Variants in SLC4A9 observed in about 807,000 individuals in gnomAD.
SLC4A9 encodes anion exchange protein 4.
In SLC4A9, 102 loss-of-function variants were observed where a neutral mutation model predicts 103.2. That is an observed-to-expected ratio of 0.99 (90% CI 0.84 to 1.17). The LOEUF (loss-of-function observed/expected upper bound fraction) is 1.17, where lower values mean the gene tolerates loss of function less well. SLC4A9 is among the 50% of genes most tolerant of loss of function. The pLI is 0.00. For synonymous variants in SLC4A9, 453 were observed against 483.6 expected (o/e 0.94, Z 0.83); for missense variants, 1,091 against 1,193.7 (o/e 0.91, Z 1.27).
chr5:140,361,898 G>T (rs1767136167), intron 4 of SLC4A9, 35 bp downstream of exon 4: 1 of 1,613,576 alleles, frequency 6.2e-7, no homozygotes, highest in Non-Finnish European at 8.5e-7. Context: ...CTTTCCAGTG[G>T]CTGGGAGAGG....
chr5:140,363,599 G>A lies in SLC4A9; in HGVS notation c.1079+44G>A, dbSNP rs1473524056. 3 of 1,554,890 alleles carry A rather than the reference G, an allele frequency of 1.9e-6. No homozygotes were observed. Among genetic ancestry groups the A allele is most frequent in the Non-Finnish European group, 2.6e-6 (3 of 1,148,406 alleles). ...AAACAAGGGTAGGTGACCTGGGGGA[G>A]GGGAGGAGTCACAGGGAAACTGAGG... is the stretch of plus-strand genomic sequence containing the variant. On this transcript the variant is annotated intron_variant, in intron 8 of 21. Coordinates refer to ENST00000506757, the MANE Select transcript of SLC4A9 (RefSeq NM_031467.3). The surrounding 1 kb of genome is among the most constrained non-coding windows in gnomAD (Gnocchi z 4.5).
At chr5:140,360,542 T>C in intron 1 of SLC4A9, 76 bp downstream of exon 1, 1 of 1,361,180 alleles carries the variant, frequency 7.3e-7, no homozygotes, top group Non-Finnish European at 1.0e-6. Context: ...CCCCCAGCGC[T>C]TCTTATGGGG....
intron 21 of SLC4A9, 70 bp downstream of exon 21, chr5:140,372,913 A>G (rs1351554420): frequency 3.3e-6 from 3 of 916,354 alleles, no homozygotes; most frequent in Non-Finnish European, 3.2e-6. Flanking sequence ...GGAACTCTCC[A>G]GTGTGTTGGC....
In SLC4A9 at chr5:140,364,608, A is replaced by AATACCCAGGCCCAGGAGGTGGGT; in HGVS notation, c.1636_1651+7dup. ...TCCTCTGCCTACGGGTGCCTCTGCCAATACCCAGGCCCAGGAGGTGGGTAA... is the reference window on the plus strand; with the variant it reads ...TCCTCTGCCTACGGGTGCCTCTGCCAATACCCAGGCCCAGGAGGTGGGTATACCCAGGCCCAGGAGGTGGGTAA... On this transcript the variant is annotated frameshift_variant, in exon 11 of 22. Transcript: ENST00000506757. LOFTEE classifies it high-confidence loss of function. The AATACCCAGGCCCAGGAGGTGGGT allele has an allele frequency of 6.2e-7, 1 of 1,601,396 alleles. No homozygotes were observed. Among genetic ancestry groups the AATACCCAGGCCCAGGAGGTGGGT allele is most frequent in the Non-Finnish European group, 8.5e-7 (1 of 1,173,746 alleles).
At chr5:140,374,298 G>T (rs570355937) in intron 21 of SLC4A9, among the ~76,000 whole-genome samples, 1 of 149,850 alleles carries the variant, frequency 6.7e-6, no homozygotes, top group Non-Finnish European at 1.5e-5. Flanking sequence ...GGTGGCTCAC[G>T]CCTGTAATCC....
In SLC4A9 at chr5:140,365,866, G is replaced by A. The variant is rs756730727; in HGVS notation, c.1743G>A (p.Pro581=). The A allele has an allele frequency of 1.8e-5, 29 of 1,613,648 alleles. No homozygotes were observed. The Admixed American group carries it at 2.0e-4, about 11-fold the overall frequency. The part of the protein sequence containing the change: ...DLGLINASLL[P]PPECTRQGGH... ...GCCTGATCAATGCATCCTTGCTGCC[G>A]CCACCTGAGTGCACCCGGCAGGGAG... The change falls in exon 13 of 22, where the codon CCG becomes CCA. Residue 581 remains proline (P), a synonymous_variant. Transcript: ENST00000506757.
In SLC4A9 at chr5:140,363,005, G is replaced by C. The variant is rs1221812500; in HGVS notation, c.901G>C (p.Gly301Arg). 5.0e-6 allele frequency: 8 copies of C among 1,612,430 alleles called. No homozygotes were observed. The highest frequency in any genetic ancestry group is 6.8e-6 in the Non-Finnish European group (8 of 1,179,512). The change falls in exon 7 of 22, where the codon GGT (glycine) becomes CGT (arginine). Residue 301 changes from glycine to arginine, a missense_variant. Coordinates refer to ENST00000506757, the MANE Select transcript of SLC4A9 (RefSeq NM_031467.3). The surrounding 1 kb of genome is among the most constrained non-coding windows in gnomAD (Gnocchi z 4.5). The part of the protein sequence containing the change: ...FLEEVTVLPP[G>R]RWDPTARIPP... ...AGAGGAGGTGACAGTGCTTCCCCCA[G>C]GTCGGTGGGACCCAACAGCCCGGAT...
intron 11 of SLC4A9, among the ~76,000 whole-genome samples, chr5:140,365,289 T>C (rs1767710129): frequency 6.6e-6 from 1 of 152,204 alleles, no homozygotes; most frequent in Admixed American, 6.5e-5. Context: ...GAGCATCTAC[T>C]GTGGCCAGGT....
chr5:140,361,504 G>A (rs1268446123), intron 3 of SLC4A9, 137 bp downstream of exon 3: 2 of 716,722 alleles, frequency 2.8e-6, no homozygotes, highest in Admixed American at 5.8e-5. Flanking sequence ...AGAGGAAACT[G>A]GTGGTAATGT....
chr5:140,362,413 T>G (rs1209432449), intron 5 of SLC4A9, 32 bp from the exon 6 acceptor site: 1 of 1,603,258 alleles, frequency 6.2e-7, no homozygotes, highest in South Asian at 1.1e-5. Context: ...GAAAGCAGCC[T>G]GTGAATCTCT....
chr5:140,360,518 A>G, intron 1 of SLC4A9, 52 bp downstream of exon 1: 2 of 1,477,588 alleles, frequency 1.4e-6, no homozygotes, highest in Middle Eastern at 3.6e-4. Context: ...CCCCAGCTGG[A>G]GCCTCCTATA....
intron 16 of SLC4A9, among the ~76,000 whole-genome samples, chr5:140,368,328 C>T (rs895294368): frequency 5.9e-5 from 9 of 152,134 alleles, no homozygotes; most frequent in Non-Finnish European, 1.2e-4. Flanking sequence ...GCTAATTTTC[C>T]ATCAAAATAA....
intron 17 of SLC4A9, among the ~76,000 whole-genome samples, chr5:140,369,636 A>C (rs1768402232): frequency 6.6e-6 from 1 of 151,898 alleles, no homozygotes; most frequent in African/African-American, 2.4e-5. Flanking sequence ...TGGAGTAGGG[A>C]AAGAGCCAGA....
chr5:140,371,639 G>T lies in SLC4A9; in HGVS notation c.2670+15G>T, dbSNP rs758442305. 1 of 1,613,898 alleles carries T rather than the reference G, an allele frequency of 6.2e-7. No homozygotes were observed. Among genetic ancestry groups the T allele is most frequent in the South Asian group, 1.1e-5 (1 of 91,068 alleles). Reference sequence around the variant, plus strand: ...TCCCCCTCATGGTAAGCTGAGGCAGGGTTGGGCTGTGTCCTGGAGGGTCTT... The same window carrying T: ...TCCCCCTCATGGTAAGCTGAGGCAGTGTTGGGCTGTGTCCTGGAGGGTCTT... On this transcript the variant is annotated intron_variant, in intron 19 of 21. Transcript: ENST00000506757.
intron 20 of SLC4A9, 62 bp downstream of exon 20, chr5:140,372,459 C>T: frequency 6.3e-7 from 1 of 1,579,682 alleles, no homozygotes. Flanking sequence ...CGTTCTTGTC[C>T]AGGAGCTGTC....
chr5:140,373,494 T>A (rs1769038490), intron 21 of SLC4A9, among the ~76,000 whole-genome samples: 1 of 152,158 alleles, frequency 6.6e-6, no homozygotes, highest in Non-Finnish European at 1.5e-5. Flanking sequence ...GCTTCTGACC[T>A]CTTCTTGGAG....
At chr5:140,369,942 C>T (rs1448484640) in intron 17 of SLC4A9, among the ~76,000 whole-genome samples, 2 of 151,910 alleles carry the variant, frequency 1.3e-5, no homozygotes, top group Non-Finnish European at 2.9e-5. Context: ...GTCTAGGCTG[C>T]AATGAGCCAG....
At chr5:140,373,389 A>G (rs1442060682) in intron 21 of SLC4A9, among the ~76,000 whole-genome samples, 2 of 152,232 alleles carry the variant, frequency 1.3e-5, no homozygotes, top group East Asian at 1.9e-4. Flanking sequence ...TGACCTCAGG[A>G]AACTTAAATC....
At chr5:140,373,721 T>C (rs1453398862) in intron 21 of SLC4A9, among the ~76,000 whole-genome samples, 3 of 152,186 alleles carry the variant, frequency 2.0e-5, no homozygotes, top group African/African-American at 7.2e-5. Flanking sequence ...CAAGCTGTAG[T>C]GTGCAATAAT....
Sources: gnomAD v4.1 joint callset for allele counts (sites outside exome capture counted in the v4.1 genomes callset) on GRCh38, gnomAD v4.1.1 for gene constraint, Gnocchi (gnomAD v3.1) non-coding constraint, MANE v1.5 for transcripts, NCBI Gene and HGNC (gene_info 2026-07-23, HGNC 2026-07-21) for gene names.